ARSG: variants seen among roughly 807,000 people sequenced by gnomAD.
ARSG encodes the protein arylsulfatase G, also known as ASG.
A neutral mutation model predicts 50.5 loss-of-function variants in ARSG; 37 were observed. The ratio of observed to expected loss-of-function variants is 0.73; its 90% CI spans 0.56 to 0.96. The LOEUF is 0.96. Ranked by LOEUF, ARSG falls within the 50% of genes least tolerant of loss-of-function variation. The pLI, the probability that ARSG is intolerant of heterozygous loss-of-function variation, is 0.00. For synonymous variants in ARSG, 225 were observed against 254.6 expected, an observed-to-expected ratio of 0.88 and a Z score of 1.11; for missense variants, 629 against 675.3, an observed-to-expected ratio of 0.93 and a Z score of 0.76.
intron 1 of ARSG, among the ~76,000 whole-genome samples, chr17:68,282,639 A>C (rs2075728532): frequency 6.6e-6 from 1 of 151,802 alleles, no homozygotes; most frequent in Admixed American, 6.6e-5. Flanking sequence ...TCTCTACAAA[A>C]AAGTATAAGA....
chr17:68,386,972 CCT>C (rs2080757685), intron 9 of ARSG, among the ~76,000 whole-genome samples: 1 of 151,850 alleles, frequency 6.6e-6, no homozygotes, highest in South Asian at 2.1e-4. Flanking sequence ...CGTATCGGTA[CCT>C]CCTAGGAGAT....
At chr17:68,283,743 T>G (rs1323117959) in intron 1 of ARSG, among the ~76,000 whole-genome samples, 1 of 151,508 alleles carries the variant, frequency 6.6e-6, no homozygotes, top group Non-Finnish European at 1.5e-5. Context: ...CCGGGTGTGG[T>G]GGCGCACGCC....
chr17:68,334,443 TGAA>T (rs2077921494), intron 2 of ARSG, among the ~76,000 whole-genome samples: 1 of 152,162 alleles, frequency 6.6e-6, no homozygotes, highest in Non-Finnish European at 1.5e-5. Context: ...GACTTCATAG[TGAA>T]CCAAACCTTA....
chr17:68,368,432 G>A (rs995003131), intron 6 of ARSG, 116 bp from the exon 7 acceptor site: 2 of 879,496 alleles, frequency 2.3e-6, no homozygotes, highest in African/African-American at 3.3e-5. Context: ...TCCTTCTTGA[G>A]CCCGTGGGGC....
rs373590086 is a variant in ARSG, at chr17:68,367,580, A to AC, written c.705-967dup. The stretch of plus-strand genomic sequence containing the variant: ...GCAGCTGCTCTTGGCTGGGAGTAGG[A>AC]CTGGGACCTTTGCTTGGAAGCCACG... On this transcript the variant is annotated intron_variant, in intron 6 of 11. Coordinates refer to ENST00000621439, the MANE Select transcript of ARSG (RefSeq NM_001267727.2). The surrounding 1 kb of genome is among the most constrained non-coding windows in gnomAD (Gnocchi z 4.5). 2.6e-5 allele frequency among the ~76,000 whole-genome samples: 4 copies of AC among 152,172 alleles called. No homozygotes were observed. The highest frequency in any genetic ancestry group is 9.7e-5 in the African/African-American group (4 of 41,436).
downstream of ARSG, chr17:68,426,252 G>GGGGGGGGGGGGGGGT: frequency 1.2e-6 from 1 of 828,188 alleles, no homozygotes; most frequent in Non-Finnish European, 1.9e-6. Flanking sequence ...TGGGGAGCGG[G>GGGGGGGGGGGGGGGT]GGCTCAAATA....
upstream of ARSG, chr17:68,259,177 TC>T (rs2075035195): frequency 6.6e-6 from 1 of 152,206 alleles, no homozygotes; most frequent in Non-Finnish European, 1.5e-5. Flanking sequence ...CGCGTCGCTG[TC>T]CCCGGCTGCG....
chr17:68,277,070 T>G (rs1643441369), intron 1 of ARSG, among the ~76,000 whole-genome samples: 1 of 152,206 alleles, frequency 6.6e-6, no homozygotes, highest in Non-Finnish European at 1.5e-5. Context: ...TTTTGCTTCA[T>G]GCATCCACAT....
At chr17:68,285,359 C>T (rs1310500510) in intron 1 of ARSG, among the ~76,000 whole-genome samples, 1 of 152,190 alleles carries the variant, frequency 6.6e-6, no homozygotes, top group African/African-American at 2.4e-5. Context: ...ACGATCATAG[C>T]TCACTGCAGC....
chr17:68,270,427 G>A (rs9897553), intron 1 of ARSG, among the ~76,000 whole-genome samples: 8,400 of 152,054 alleles, frequency 0.055, 761 homozygotes, highest in African/African-American at 0.19. Flanking sequence ...GGTGGTGGGT[G>A]CCTGTAGTCC....
intron 9 of ARSG, among the ~76,000 whole-genome samples, chr17:68,393,867 C>CAA (rs762829963): frequency 4.7e-5 from 5 of 106,212 alleles, no homozygotes; most frequent in Non-Finnish European, 5.9e-5. Flanking sequence ...GACTCCATCT[C>CAA]AAAAAAAAAA....
intron 11 of ARSG, among the ~76,000 whole-genome samples, chr17:68,402,037 G>A (rs2081494809): frequency 6.6e-6 from 1 of 152,146 alleles, no homozygotes; most frequent in Non-Finnish European, 1.5e-5. Context: ...CCAAGAACAA[G>A]TCTCCTCTTC....
At chr17:68,341,882 C>T (rs74684364) in intron 2 of ARSG, among the ~76,000 whole-genome samples, 1,600 of 151,976 alleles carry the variant, frequency 0.011, 29 homozygotes, top group African/African-American at 0.037. Flanking sequence ...TGCAGTGACG[C>T]GATCTTGGCT....
chr17:68,434,654 A>G, the ARSG span: 25,466 of 1,612,486 alleles, frequency 0.016, 244 homozygotes, highest in Non-Finnish European at 0.018. Flanking sequence ...TGGACATTTC[A>G]TAACCATTAG....
chr17:68,307,520 G>C lies in ARSG; in HGVS notation c.27G>C (p.Leu9Phe). The stretch of plus-strand genomic sequence containing the variant: ...TGGGCTGGCTTTTTCTAAAGGTTTT[G>C]TTGGCGGGAGTGAGTTTCTCAGGAT... MGWLFLKV[L>F]LAGVSFSGFL... The change falls in exon 2 of 12, where the codon TTG (leucine) becomes TTC (phenylalanine). Residue 9 changes from leucine to phenylalanine, a missense_variant. Coordinates refer to ENST00000621439, the MANE Select transcript of ARSG (RefSeq NM_001267727.2). The C allele has an allele frequency of 6.2e-7, 1 of 1,614,090 alleles. No individual in the cohort carries two copies. The highest frequency in any genetic ancestry group is 8.5e-7 in the Non-Finnish European group (1 of 1,179,962).
chr17:68,278,443 A>G (rs1354738163), intron 1 of ARSG: 2 of 638,040 alleles, frequency 3.1e-6, no homozygotes, highest in Non-Finnish European at 5.4e-6. Context: ...AAGTTGTTGA[A>G]TATTTATTTA....
At chr17:68,449,179 G>A in the ARSG span, among the ~76,000 whole-genome samples, 1 of 152,202 alleles carries the variant, frequency 6.6e-6, no homozygotes, top group East Asian at 1.9e-4. Flanking sequence ...ATACTTAATT[G>A]AATAGATAAA....
chr17:68,293,178 G>A (rs2076079774), intron 1 of ARSG, among the ~76,000 whole-genome samples: 1 of 152,174 alleles, frequency 6.6e-6, no homozygotes, highest in Non-Finnish European at 1.5e-5. Context: ...TCATGCTAAT[G>A]CAGGGCTGCC....
chr17:68,304,251 A>G (rs1365505937), intron 1 of ARSG, among the ~76,000 whole-genome samples: 1 of 152,250 alleles, frequency 6.6e-6, no homozygotes, highest in Non-Finnish European at 1.5e-5. Context: ...GCAGGTCCAC[A>G]GGTGTTTGTT....
Sources: allele counts gnomAD v4.1 joint callset (sites outside exome capture counted in the v4.1 genomes callset), GRCh38; gene constraint gnomAD v4.1.1; non-coding constraint Gnocchi (gnomAD v3.1); transcripts MANE v1.5; gene names NCBI Gene and HGNC (gene_info 2026-07-23, HGNC 2026-07-21).